BEND2: variants seen among roughly 807,000 people sequenced by gnomAD.
BEND2 encodes the protein BEN domain-containing protein 2.
In BEND2, 19 loss-of-function variants were observed where a neutral mutation model predicts 43.8. The observed-to-expected ratio is 0.43, with a 90% CI of 0.30 to 0.64. The LOEUF is 0.64. Among genes scored for constraint, BEND2 ranks in the 30% least tolerant of loss-of-function variants. The pLI, the probability that BEND2 is intolerant of heterozygous loss-of-function variation, is 0.11. For synonymous variants in BEND2, 226 were observed against 210.1 expected (o/e 1.08, Z -0.66); for missense variants, 544 against 574.0 (o/e 0.95, Z 0.53).
At chrX:18,175,918 T>C in intron 11 of BEND2, 54 bp downstream of exon 11, 1 of 1,087,472 alleles carries the variant, frequency 9.2e-7, no homozygotes, top group African/African-American at 1.9e-5. Flanking sequence ...TCTGAAACTG[T>C]ACACAGTACA....
intron 12 of BEND2, among the ~76,000 whole-genome samples, chrX:18,172,181 T>G (rs17312860): frequency 0.44 from 47,505 of 109,069 alleles, 7,937 homozygotes; most frequent in Non-Finnish European, 0.49. Flanking sequence ...ACTTAGAACA[T>G]CCATCATTTA....
At chrX:18,186,276 G>C (rs757608731) in intron 8 of BEND2, among the ~76,000 whole-genome samples, 3 of 110,041 alleles carry the variant, frequency 2.7e-5, no homozygotes, top group Non-Finnish European at 5.7e-5. Context: ...TGGCCAACAT[G>C]GTGAAACCCC....
At chrX:18,209,968 T>G (rs746849238) in intron 4 of BEND2, among the ~76,000 whole-genome samples, 1 of 111,220 alleles carries the variant, frequency 9.0e-6, no homozygotes, top group South Asian at 3.8e-4. Context: ...CAAGCATATA[T>G]ATGAGAATTC....
chrX:18,185,888 C>A (rs947633920), intron 8 of BEND2, among the ~76,000 whole-genome samples: 6 of 110,740 alleles, frequency 5.4e-5, no homozygotes, highest in Non-Finnish European at 1.1e-4. Context: ...ATCCTTCAAA[C>A]ATGAAGGAGA....
At chrX:18,182,177 T>C (rs776189097) in intron 8 of BEND2, among the ~76,000 whole-genome samples, 1 of 111,540 alleles carries the variant, frequency 9.0e-6, no homozygotes, top group African/African-American at 3.3e-5. Context: ...GGTGACTGGA[T>C]AATGTGCACA....
At chrX:18,168,112 T>C (rs1268851488) in intron 13 of BEND2, among the ~76,000 whole-genome samples, 1 of 112,466 alleles carries the variant, frequency 8.9e-6, no homozygotes, top group Non-Finnish European at 1.9e-5. Context: ...CATGTTACCA[T>C]GTGGAGAGAC....
chrX:18,192,899 G>A (rs1024729458), intron 7 of BEND2, among the ~76,000 whole-genome samples: 2 of 112,349 alleles, frequency 1.8e-5, no homozygotes, highest in Middle Eastern at 4.6e-3. Context: ...CAGCACTTTA[G>A]GAGGCCAAGG....
At position 18,205,351 on chromosome X, in the gene BEND2, C is replaced by A. The variant is rs753562918; in HGVS notation, c.493-1436G>T. Among the ~76,000 whole-genome samples, 4 of 109,121 alleles carry A rather than the reference C, an allele frequency of 3.7e-5. No homozygotes were observed. In the East Asian group the frequency reaches 1.1e-3, roughly 31 times the overall value. 94.8% of individuals were successfully genotyped at this position (109,121 alleles called of 115,157 possible). On this transcript the variant is annotated intron_variant, in intron 4 of 13. Coordinates refer to ENST00000380033, the MANE Select transcript of BEND2 (RefSeq NM_153346.5). Reference sequence around the variant, plus strand: ...GGCCGAGGCAGGCGGATCACTTGAGCTCAGAAGTTCGAGACCAGCCTGAGC... The same window carrying A: ...GGCCGAGGCAGGCGGATCACTTGAGATCAGAAGTTCGAGACCAGCCTGAGC...
Position 18,174,262 on chromosome X carries a change from T to C in BEND2, c.1753-4A>G, listed in dbSNP as rs1924070764. On this transcript the variant is annotated splice_region_variant and splice_polypyrimidine_tract_variant and intron_variant, in intron 11 of 13. Transcript: ENST00000380033. ...TTTTATTTTTGCGAACAGTTTTCTG[T>C]TGAAACACAAAATCATATCCGTAAA... 3 of 1,199,458 alleles carry C rather than the reference T, an allele frequency of 2.5e-6. No homozygotes were observed. The highest frequency in any genetic ancestry group is 3.5e-5 in the South Asian group (2 of 56,426).
chrX:18,188,995 T>C (rs1336587469), intron 8 of BEND2, among the ~76,000 whole-genome samples: 1 of 108,615 alleles, frequency 9.2e-6, no homozygotes, highest in East Asian at 2.9e-4. Context: ...GGTCAGGAGT[T>C]CGAGACCAGC....
chrX:18,179,042 G>C (rs2147396993), intron 9 of BEND2, among the ~76,000 whole-genome samples: 1 of 110,949 alleles, frequency 9.0e-6, no homozygotes, highest in South Asian at 3.8e-4. Context: ...TTCAGATAAA[G>C]TGAGATTACA....
chrX:18,181,983 G>A (rs993330336), intron 8 of BEND2, among the ~76,000 whole-genome samples: 3 of 111,992 alleles, frequency 2.7e-5, no homozygotes, highest in Non-Finnish European at 5.6e-5. Flanking sequence ...ACCCTCGATT[G>A]CCAGGTAGTG....
intron 4 of BEND2, 46 bp downstream of exon 4, chrX:18,212,519 G>A: frequency 1.1e-6 from 1 of 931,435 alleles, no homozygotes; most frequent in South Asian, 2.2e-5. Flanking sequence ...AGAATGAAAA[G>A]AACAAAGAGA....
intron 10 of BEND2, among the ~76,000 whole-genome samples, chrX:18,176,416 T>C (rs1251280350): frequency 9.5e-6 from 1 of 104,977 alleles, no homozygotes; most frequent in East Asian, 3.0e-4. Context: ...CAGTGGCTCA[T>C]GTCTGTAACC....
At chrX:18,179,580 A>G (rs1463658169) in intron 9 of BEND2, among the ~76,000 whole-genome samples, 1 of 111,438 alleles carries the variant, frequency 9.0e-6, no homozygotes, top group African/African-American at 3.3e-5. Context: ...CCCCCCACCA[A>G]TGTGTGTGAA....
chrX:18,215,171 A>G (rs1925638773), intron 2 of BEND2, among the ~76,000 whole-genome samples: 1 of 111,908 alleles, frequency 8.9e-6, no homozygotes, highest in Non-Finnish European at 1.9e-5. Flanking sequence ...ATTTGTAAGT[A>G]TACAATTCAG....
At chrX:18,191,420 G>A (rs1301780974) in intron 7 of BEND2, among the ~76,000 whole-genome samples, 2 of 111,506 alleles carry the variant, frequency 1.8e-5, no homozygotes, top group South Asian at 3.7e-4. Flanking sequence ...GTTGCTGGTC[G>A]GGGTAGAAAA....
chrX:18,174,147 G>A lies in BEND2; in HGVS notation c.1864C>T (p.Pro622Ser), dbSNP rs754493567. 5 of 1,209,526 alleles carry A rather than the reference G, an allele frequency of 4.1e-6. No individual in the cohort carries two copies. The South Asian group carries it at 8.8e-5, about 21-fold the overall frequency. The stretch of plus-strand genomic sequence containing the variant: ...TCTCTCATTTTGGAGTTATTCATTG[G>A]CTGAAACATCCAAGAACAGCCTTCA... ...GGEGCSWMFQPMNNSKMREKR... is the reference protein window; with the variant it reads ...GGEGCSWMFQSMNNSKMREKR... The change falls in exon 12 of 14, where the codon CCA (proline) becomes TCA (serine). Residue 622 changes from proline (P) to serine (S), a missense_variant. Physicochemically the swap from Pro to Ser is moderately conservative, Grantham distance 74. Transcript: ENST00000380033.
intron 8 of BEND2, among the ~76,000 whole-genome samples, chrX:18,187,694 G>C: frequency 8.9e-6 from 1 of 111,926 alleles, no homozygotes; most frequent in Admixed American, 9.5e-5. Context: ...TTCTGCAGCT[G>C]TTCTGCAAAT....
Sources: allele counts gnomAD v4.1 joint callset (sites outside exome capture counted in the v4.1 genomes callset), GRCh38; gene constraint gnomAD v4.1.1; transcripts MANE v1.5; gene names NCBI Gene and HGNC (gene_info 2026-07-23, HGNC 2026-07-21).